PPFIA2: variants seen among roughly 807,000 people sequenced by gnomAD.
The protein encoded by PPFIA2 is PPFI scaffold protein A2.
Under a neutral mutation model 175.5 loss-of-function variants are expected in PPFIA2, and 46 were observed. The observed-to-expected ratio is 0.26, with a 90% CI of 0.21 to 0.34. PPFIA2 has a LOEUF of 0.34. Among genes scored for constraint, PPFIA2 ranks in the 10% least tolerant of loss-of-function variants. PPFIA2 has a pLI of 1.00. For synonymous variants in PPFIA2, 568 were observed against 511.4 expected (o/e 1.11, Z -1.49); for missense variants, 1,179 against 1,506.1 (o/e 0.78, Z 3.60).
intron 4 of PPFIA2, among the ~76,000 whole-genome samples, chr12:81,563,080 T>G (rs1055602630): frequency 6.6e-6 from 1 of 152,042 alleles, no homozygotes; most frequent in African/African-American, 2.4e-5. Flanking sequence ...TGTCTCCATC[T>G]TGTCCTCTTT....
At chr12:81,375,697 T>G (rs1447162168) in intron 10 of PPFIA2, 99 bp downstream of exon 10, 1 of 1,228,850 alleles carries the variant, frequency 8.1e-7, no homozygotes, top group Non-Finnish European at 1.2e-6. Flanking sequence ...GAATGATTAC[T>G]CAAACATCTG....
At chr12:81,658,835 A>G (rs1596094374) in intron 4 of PPFIA2, among the ~76,000 whole-genome samples, 1 of 152,152 alleles carries the variant, frequency 6.6e-6, no homozygotes, top group Admixed American at 6.5e-5. Context: ...AAATACAAAC[A>G]TTTGCAATTT....
intron 22 of PPFIA2, chr12:81,312,026 G>A (rs1209450277): frequency 1.4e-5 from 11 of 766,416 alleles, no homozygotes; most frequent in Non-Finnish European, 2.3e-5. Flanking sequence ...AAATAAATAT[G>A]CTTCATGATT....
intron 4 of PPFIA2, among the ~76,000 whole-genome samples, chr12:81,637,491 C>A (rs1437091179): frequency 6.6e-6 from 1 of 151,854 alleles, no homozygotes; most frequent in African/African-American, 2.4e-5. Flanking sequence ...TTCTTCCATA[C>A]CTAACTCAAG....
At chr12:81,675,233 G>T (rs5009830) in intron 4 of PPFIA2, among the ~76,000 whole-genome samples, 5,528 of 89,294 alleles carry the variant, frequency 0.062, 258 homozygotes, top group East Asian at 0.5. Flanking sequence ...TATATATATA[G>T]AGAGAGAGAG....
chr12:81,744,273 TATC>T (rs1349702780), intron 3 of PPFIA2, among the ~76,000 whole-genome samples: 1 of 152,158 alleles, frequency 6.6e-6, no homozygotes, highest in Non-Finnish European at 1.5e-5. Context: ...AAATTTATAG[TATC>T]ATAAATATTA....
In PPFIA2 at chr12:81,568,267, T is replaced by A. The variant is rs569677247; in HGVS notation, c.303+108524A>T. Among the ~76,000 whole-genome samples, 6 of 152,294 alleles carry A rather than the reference T, an allele frequency of 3.9e-5. No individual in the cohort carries two copies. In the South Asian group the frequency reaches 1.2e-3, roughly 32 times the overall value. ...AGGGTACAGGTCATATATAAACTCA[T>A]GAAAAAGGACAAGAGTCAGAGGCCT... is the stretch of plus-strand genomic sequence containing the variant. On this transcript the variant is annotated intron_variant, in intron 4 of 32. Transcript: ENST00000549396.
chr12:81,692,308 G>T (rs1333839511), intron 3 of PPFIA2, among the ~76,000 whole-genome samples: 1 of 152,056 alleles, frequency 6.6e-6, no homozygotes, highest in African/African-American at 2.4e-5. Context: ...GTCAGCCCTA[G>T]CTGATACTTT....
chr12:81,353,350 A>G lies in PPFIA2; in HGVS notation c.1774-11T>C, dbSNP rs369197278. The G allele has an allele frequency of 5.6e-5, 87 of 1,567,428 alleles. No individual in the cohort carries two copies. Among genetic ancestry groups the G allele is most frequent in the Non-Finnish European group, 7.2e-5 (82 of 1,138,076 alleles). On this transcript the variant is annotated splice_polypyrimidine_tract_variant and intron_variant, in intron 16 of 32. Coordinates refer to ENST00000549396, the MANE Select transcript of PPFIA2 (RefSeq NM_003625.5). ...CCCAAGAGATTTCACCTGAATGGTG[A>G]ATGAAAAAATGCAGAATATTTATCA...
chr12:81,640,970 G>C (rs990956041), intron 4 of PPFIA2, among the ~76,000 whole-genome samples: 3 of 151,852 alleles, frequency 2.0e-5, no homozygotes. Flanking sequence ...AAATGAAATC[G>C]ATTCTTTATT....
At chr12:81,363,813 T>C (rs1317261308) in intron 14 of PPFIA2, among the ~76,000 whole-genome samples, 2 of 151,860 alleles carry the variant, frequency 1.3e-5, no homozygotes, top group Non-Finnish European at 2.9e-5. Flanking sequence ...TCAAAACACA[T>C]GTACAATAAA....
chr12:81,669,419 A>T (rs1270708705), intron 4 of PPFIA2, among the ~76,000 whole-genome samples: 1 of 152,034 alleles, frequency 6.6e-6, no homozygotes. Context: ...ACCAATAGTT[A>T]TTGAGGAACT....
chr12:81,366,213 G>C (rs2033379679), intron 14 of PPFIA2, among the ~76,000 whole-genome samples: 1 of 150,516 alleles, frequency 6.6e-6, no homozygotes, highest in Non-Finnish European at 1.5e-5. Flanking sequence ...AAAAAAATAA[G>C]ATAAAATTGC....
chr12:81,713,149 T>A (rs182194599), intron 3 of PPFIA2, among the ~76,000 whole-genome samples: 2 of 151,130 alleles, frequency 1.3e-5, no homozygotes, highest in Non-Finnish European at 2.9e-5. Context: ...TTAGAAAATA[T>A]GATAAATAAT....
chr12:81,393,299 ATTGAGT>A (rs1306095821), intron 8 of PPFIA2, among the ~76,000 whole-genome samples: 2 of 152,072 alleles, frequency 1.3e-5, no homozygotes, highest in African/African-American at 4.8e-5. Context: ...TTTTGTGTAT[ATTGAGT>A]TTATTTTTTT....
chr12:81,758,758 G>A (rs2085072642), intron 1 of PPFIA2: 1 of 158,816 alleles, frequency 6.3e-6, no homozygotes, highest in Non-Finnish European at 1.4e-5. Context: ...CCCTTTGCCA[G>A]AACAGCCGCA....
chr12:81,515,973 T>A (rs1396603392), intron 4 of PPFIA2, among the ~76,000 whole-genome samples: 1 of 121,262 alleles, frequency 8.2e-6, no homozygotes, highest in Admixed American at 8.2e-5. Context: ...CATGCCAAAT[T>A]TTTTTTTTTG....
chr12:81,380,962 CTGTGTGTGTGTGTGTGTG>C (rs71098139), intron 9 of PPFIA2, among the ~76,000 whole-genome samples: 148 of 137,554 alleles, frequency 1.1e-3, no homozygotes, highest in African/African-American at 3.9e-3. Context: ...TTTCACAGTG[CTGTGTGTGTGTGTGTGTG>C]TGTGTGTGTG....
At chr12:81,699,679 T>C (rs2076283722) in intron 3 of PPFIA2, among the ~76,000 whole-genome samples, 1 of 152,052 alleles carries the variant, frequency 6.6e-6, no homozygotes, top group African/African-American at 2.4e-5. Context: ...TGTTTGCTTT[T>C]AGTGGATTTC....
Sources: gnomAD v4.1 joint callset for allele counts (sites outside exome capture counted in the v4.1 genomes callset) on GRCh38, gnomAD v4.1.1 for gene constraint, MANE v1.5 for transcripts, NCBI Gene and HGNC (gene_info 2026-07-23, HGNC 2026-07-21) for gene names.